CDH13: variants seen among roughly 807,000 people sequenced by gnomAD.
The protein encoded by CDH13 is cadherin 13.
In CDH13, 24 loss-of-function variants were observed where a neutral mutation model predicts 63.8. The observed-to-expected ratio is 0.38, with a 90% confidence interval of 0.27 to 0.53. CDH13 has a LOEUF of 0.53. Ranked by LOEUF, CDH13 falls within the 20% of genes least tolerant of loss-of-function variation. The pLI, the probability that CDH13 is intolerant of heterozygous loss-of-function variation, is 0.85. For missense variants in CDH13, 1,049 were observed against 903.1 expected, an observed-to-expected ratio of 1.16 and a Z score of -2.07; for synonymous variants, 503 against 355.3, an observed-to-expected ratio of 1.42 and a Z score of -4.67.
At chr16:82,892,313 T>G (rs2194287) in intron 2 of CDH13, among the ~76,000 whole-genome samples, 120,851 of 152,224 alleles carry the variant, frequency 0.79, 48,106 homozygotes, top group East Asian at 0.87. Flanking sequence ...TATGCAGCAT[T>G]TGTGCCTGCA....
At chr16:83,568,205 G>A (rs1904304724) in intron 7 of CDH13, among the ~76,000 whole-genome samples, 1 of 152,112 alleles carries the variant, frequency 6.6e-6, no homozygotes. Context: ...AAAAAAAGCT[G>A]ATCTGATGTA....
chr16:83,377,655 C>T (rs369010687), intron 6 of CDH13, among the ~76,000 whole-genome samples: 1 of 152,198 alleles, frequency 6.6e-6, no homozygotes. Flanking sequence ...AGACACTTTG[C>T]AAGGCTCCAA....
chr16:82,674,473 C>T (rs1018384525), intron 1 of CDH13, among the ~76,000 whole-genome samples: 4 of 152,306 alleles, frequency 2.6e-5, no homozygotes, highest in Middle Eastern at 3.4e-3. Flanking sequence ...TTCATTCTGT[C>T]TCCATGATAT....
chr16:83,482,924 C>A (rs925020048), intron 6 of CDH13, among the ~76,000 whole-genome samples: 3 of 152,184 alleles, frequency 2.0e-5, no homozygotes, highest in African/African-American at 7.2e-5. Flanking sequence ...GAGGCCTTTG[C>A]CTGCACTGCC....
chr16:83,003,287 G>A (rs575272247), intron 2 of CDH13, among the ~76,000 whole-genome samples: 2 of 152,294 alleles, frequency 1.3e-5, no homozygotes, highest in South Asian at 2.1e-4. Flanking sequence ...GTCAAGGGCT[G>A]TGGATTGCCA....
At chr16:83,722,036 A>C (rs1316960180) in intron 10 of CDH13, among the ~76,000 whole-genome samples, 1 of 152,030 alleles carries the variant, frequency 6.6e-6, no homozygotes, top group African/African-American at 2.4e-5. Context: ...CTGTGGGAGG[A>C]TCCAGGGGAC....
chr16:83,577,666 G>C (rs1292091662), intron 7 of CDH13, among the ~76,000 whole-genome samples: 2 of 152,208 alleles, frequency 1.3e-5, no homozygotes, highest in African/African-American at 2.4e-5. Context: ...GGAGGAGAAA[G>C]GGGTAGGAAG....
intron 4 of CDH13, among the ~76,000 whole-genome samples, chr16:83,152,593 A>G (rs1367130716): frequency 6.6e-6 from 1 of 152,272 alleles, no homozygotes; most frequent in African/African-American, 2.4e-5. Context: ...CTGCCATTCA[A>G]TTGGTCATCC....
chr16:83,779,849 C>A (rs1455907251), intron 11 of CDH13, 119 bp from the exon 12 acceptor site: 5 of 679,200 alleles, frequency 7.4e-6, no homozygotes, highest in Non-Finnish European at 1.2e-5. Context: ...TAGAGTGAGA[C>A]CCTGTCTCAA....
chr16:83,617,260 G>A (rs1414769420), intron 8 of CDH13, among the ~76,000 whole-genome samples: 1 of 152,152 alleles, frequency 6.6e-6, no homozygotes, highest in Non-Finnish European at 1.5e-5. Flanking sequence ...ACAGAACTGT[G>A]TTTTGGCTTC....
intron 6 of CDH13, among the ~76,000 whole-genome samples, chr16:83,377,151 T>A (rs1481637050): frequency 6.6e-6 from 1 of 152,122 alleles, no homozygotes; most frequent in Non-Finnish European, 1.5e-5. Flanking sequence ...CACAAAATCA[T>A]AAACACGATA....
chr16:83,617,117 T>G (rs1909349288), intron 8 of CDH13, among the ~76,000 whole-genome samples: 2 of 152,106 alleles, frequency 1.3e-5, no homozygotes, highest in South Asian at 4.2e-4. Context: ...ACAACCCCTC[T>G]CCCTAATCCG....
At chr16:82,717,551 T>C (rs1024173699) in intron 1 of CDH13, among the ~76,000 whole-genome samples, 1 of 151,372 alleles carries the variant, frequency 6.6e-6, no homozygotes, top group Non-Finnish European at 1.5e-5. Context: ...GGAGATTCCA[T>C]TGCTGGACTC....
chr16:82,684,251 G>C (rs1004731566), intron 1 of CDH13, among the ~76,000 whole-genome samples: 1 of 152,172 alleles, frequency 6.6e-6, no homozygotes, highest in Admixed American at 6.5e-5. Flanking sequence ...AGAACGAAAC[G>C]GTGACTGTGA....
chr16:83,220,712 C>T (rs1402755251), intron 5 of CDH13, among the ~76,000 whole-genome samples: 1 of 149,094 alleles, frequency 6.7e-6, no homozygotes, highest in Non-Finnish European at 1.5e-5. Flanking sequence ...AATGTGTTGT[C>T]ATCATAATAG....
At chr16:83,434,650 C>T (rs79871347) in intron 6 of CDH13, among the ~76,000 whole-genome samples, 13,185 of 151,802 alleles carry the variant, frequency 0.087, 589 homozygotes, top group East Asian at 0.12. Context: ...TGTACATAGC[C>T]CTTCCTCTTA....
At chr16:83,531,360 GA>G (rs2075078811) in intron 7 of CDH13, among the ~76,000 whole-genome samples, 1 of 152,180 alleles carries the variant, frequency 6.6e-6, no homozygotes, top group Admixed American at 6.5e-5. Context: ...TAGACTAAAA[GA>G]TGGCTCCCCC....
intron 2 of CDH13, among the ~76,000 whole-genome samples, chr16:82,937,509 AT>A (rs1488500788): frequency 2.6e-5 from 4 of 152,134 alleles, no homozygotes; most frequent in African/African-American, 9.7e-5. Context: ...GCATTTGTAT[AT>A]TTTCTCAGAG....
intron 2 of CDH13, among the ~76,000 whole-genome samples, chr16:82,999,319 G>C (rs1047739220): frequency 6.6e-6 from 1 of 152,064 alleles, no homozygotes; most frequent in Non-Finnish European, 1.5e-5. Flanking sequence ...CCTTAGGGAG[G>C]TGATTTGAAG....
Sources: gnomAD v4.1 joint callset for allele counts (sites outside exome capture counted in the v4.1 genomes callset) on GRCh38, gnomAD v4.1.1 for gene constraint, MANE v1.5 for transcripts, NCBI Gene and HGNC (gene_info 2026-07-23, HGNC 2026-07-21) for gene names.